HLCS: variants seen among roughly 807,000 people sequenced by gnomAD.
HLCS encodes biotin--protein ligase.
A neutral mutation model predicts 75.0 loss-of-function variants in HLCS; 53 were observed. The observed-to-expected ratio is 0.71, with a 90% CI of 0.57 to 0.89. HLCS has a LOEUF of 0.89. Ranked by LOEUF, HLCS falls within the 40% of genes least tolerant of loss-of-function variation. The pLI is 0.00. For synonymous variants in HLCS, 431 were observed against 428.6 expected (o/e 1.01, Z -0.07); for missense variants, 966 against 1,074.0 (o/e 0.90, Z 1.41).
chr21:36,935,493 C>G (rs1229595358), intron 4 of HLCS, among the ~76,000 whole-genome samples: 1 of 151,730 alleles, frequency 6.6e-6, no homozygotes, highest in Admixed American at 6.6e-5. Context: ...AAAATGAAAA[C>G]AAAACAAAAA....
chr21:36,954,586 G>C (rs1290720597), intron 2 of HLCS, among the ~76,000 whole-genome samples: 1 of 151,852 alleles, frequency 6.6e-6, no homozygotes, highest in African/African-American at 2.4e-5. Flanking sequence ...CTGCACTCCA[G>C]CCTGGGCGAC....
chr21:36,943,706 C>T (rs1283489092), intron 2 of HLCS: 1 of 152,080 alleles, frequency 6.6e-6, no homozygotes, highest in African/African-American at 2.4e-5. Context: ...GTAGTCCCCG[C>T]TACTCAGGAG....
At chr21:36,891,061 A>C (rs2146311400) in intron 6 of HLCS, among the ~76,000 whole-genome samples, 1 of 152,256 alleles carries the variant, frequency 6.6e-6, no homozygotes, top group African/African-American at 2.4e-5. Context: ...TAAAGACCAC[A>C]TTTATTTCCC....
rs2066899635 is a variant in HLCS at position 36,936,693 on chromosome 21, G to A, written c.1193C>T (p.Thr398Ile). 1.2e-6 allele frequency: 2 copies of A among 1,614,204 alleles called. No homozygotes were observed. Among genetic ancestry groups the A allele is most frequent in the South Asian group, 1.1e-5 (1 of 91,080 alleles). ...GCTTGTCACCTGAAAGCCACCAAAG[G>A]TGAAGGATGAAGACAGGCCCAACAC... ...GKVLGLSSSF[T>I]FGGFQVTSKG... Residue 398 changes from threonine to isoleucine, a missense_variant, in exon 4 of 11, where the codon ACC becomes ATC. Thr to Ile is a moderately conservative substitution (Grantham distance 89). Coordinates refer to ENST00000674895, the MANE Select transcript of HLCS (RefSeq NM_001352514.2).
chr21:36,894,025 G>C (rs2064905053), intron 6 of HLCS, among the ~76,000 whole-genome samples: 1 of 152,178 alleles, frequency 6.6e-6, no homozygotes, highest in Non-Finnish European at 1.5e-5. Context: ...TGTTGGAGGA[G>C]GGCCTGGTGG....
intron 6 of HLCS, among the ~76,000 whole-genome samples, chr21:36,876,567 T>C (rs1165070563): frequency 6.6e-6 from 1 of 152,184 alleles, no homozygotes; most frequent in Non-Finnish European, 1.5e-5. Flanking sequence ...GTTTCCTAGA[T>C]CCATTTTTGT....
intron 6 of HLCS, among the ~76,000 whole-genome samples, chr21:36,799,509 G>A (rs992926343): frequency 5.9e-5 from 9 of 152,200 alleles, no homozygotes; most frequent in African/African-American, 2.2e-4. Flanking sequence ...AAATAAATGT[G>A]AGAATCTGGA....
At position 36,757,647 on chromosome 21, in the gene HLCS, G is replaced by A. The variant is rs189822114; in HGVS notation, c.2237-892C>T. On this transcript the variant is annotated intron_variant, in intron 9 of 10. Transcript: ENST00000674895. ...TGCCATTTGTAACAACAGCCTTCCC[G>A]GCAAGTGTCCTGCCGTTTCCAGTGT... Among the ~76,000 whole-genome samples the A allele has an allele frequency of 2.2e-4, 34 of 152,164 alleles. No homozygotes were observed. In the East Asian group the frequency reaches 3.1e-3, roughly 14 times the overall value.
intron 5 of HLCS, among the ~76,000 whole-genome samples, chr21:36,903,451 T>C (rs1461363723): frequency 1.3e-5 from 2 of 152,082 alleles, no homozygotes; most frequent in African/African-American, 2.4e-5. Flanking sequence ...CCACACAGGC[T>C]AGAGATACAT....
At chr21:36,907,840 T>C (rs1467481811) in intron 5 of HLCS, among the ~76,000 whole-genome samples, 4 of 152,152 alleles carry the variant, frequency 2.6e-5, no homozygotes, top group African/African-American at 9.7e-5. Flanking sequence ...AAGAGCTGAA[T>C]AGACACTGCC....
At chr21:36,759,681 G>T (rs1568966349) in intron 9 of HLCS, 46 bp downstream of exon 9, 1 of 1,099,370 alleles carries the variant, frequency 9.1e-7, no homozygotes, top group Non-Finnish European at 1.4e-6. Context: ...TATTTTTATT[G>T]TTTTATTAAT....
At chr21:36,959,917 A>C (rs986063749) in intron 2 of HLCS, among the ~76,000 whole-genome samples, 1 of 152,158 alleles carries the variant, frequency 6.6e-6, no homozygotes, top group Non-Finnish European at 1.5e-5. Flanking sequence ...CATTGCAGGC[A>C]ACAAGAAGGA....
At chr21:36,785,802 G>C (rs1156857250) in intron 6 of HLCS, among the ~76,000 whole-genome samples, 1 of 152,152 alleles carries the variant, frequency 6.6e-6, no homozygotes, top group Non-Finnish European at 1.5e-5. Context: ...CCAAGAAGCA[G>C]GATGCTAGCT....
Position 36,956,467 on chromosome 21 carries a change from A to G in HLCS, c.330+5569T>C, listed in dbSNP as rs965481420. ...TTGTAGGCCAGGTGTGGTGGCTCAC[A>G]CTTGTAATCCCAGCACTTTGGGAGG... is the stretch of plus-strand genomic sequence containing the variant. On this transcript the variant is annotated intron_variant, in intron 2 of 10. Transcript: ENST00000674895. Among the ~76,000 whole-genome samples the G allele has an allele frequency of 7.9e-5, 12 of 152,230 alleles. No individual in the cohort carries two copies. In the East Asian group the frequency reaches 9.6e-4, roughly 12 times the overall value.
At chr21:36,764,470 G>A (rs2145765182) in intron 8 of HLCS, among the ~76,000 whole-genome samples, 1 of 152,240 alleles carries the variant, frequency 6.6e-6, no homozygotes, top group African/African-American at 2.4e-5. Flanking sequence ...TTGGGAAGCT[G>A]AAGCAGGCAG....
At chr21:36,788,648 G>T (rs2060768213) in intron 6 of HLCS, among the ~76,000 whole-genome samples, 1 of 152,158 alleles carries the variant, frequency 6.6e-6, no homozygotes, top group East Asian at 1.9e-4. Flanking sequence ...TGGGAGAGAG[G>T]TTTATGTACT....
rs965824039 is a variant in HLCS at position 36,917,039 on chromosome 21, G to A, written c.1620+13212C>T. Among the ~76,000 whole-genome samples the A allele has an allele frequency of 3.3e-5, 5 of 152,172 alleles. No homozygotes were observed. In the East Asian group the frequency reaches 9.6e-4, roughly 29 times the overall value. ...CAAAAGGTTCACCAGTGGTAAATCT[G>A]GGTGAAGGCTCCACAGGGCTTATAG... is the stretch of plus-strand genomic sequence containing the variant. On this transcript the variant is annotated intron_variant, in intron 5 of 10. Coordinates refer to ENST00000674895, the MANE Select transcript of HLCS (RefSeq NM_001352514.2).
intron 2 of HLCS, among the ~76,000 whole-genome samples, chr21:36,957,883 C>T (rs1185287166): frequency 2.0e-5 from 3 of 146,466 alleles, no homozygotes; most frequent in Admixed American, 1.4e-4. Flanking sequence ...GAGCCGAGAT[C>T]GCGCCACTGC....
chr21:36,771,920 A>C (rs910337007), intron 6 of HLCS, among the ~76,000 whole-genome samples: 3 of 150,894 alleles, frequency 2.0e-5, no homozygotes, highest in African/African-American at 4.9e-5. Context: ...AATCACTTGA[A>C]CCCAGGGGGC....
Sources: gnomAD v4.1 joint callset for allele counts (sites outside exome capture counted in the v4.1 genomes callset) on GRCh38, gnomAD v4.1.1 for gene constraint, MANE v1.5 for transcripts, NCBI Gene and HGNC (gene_info 2026-07-23, HGNC 2026-07-21) for gene names.